Variants in DHRS7B observed in about 807,000 individuals in gnomAD.
DHRS7B encodes peroxisomal reductase activating PPAR-gamma.
Under a neutral mutation model 26.4 loss-of-function variants are expected in DHRS7B, and 24 were observed. The ratio of observed to expected loss-of-function variants is 0.91; its 90% CI spans 0.66 to 1.28. The LOEUF (loss-of-function observed/expected upper bound fraction) is 1.28. DHRS7B is among the 50% of genes most tolerant of loss of function. The pLI is 0.00. For synonymous variants in DHRS7B, 142 were observed against 166.4 expected (o/e 0.85, Z 1.13); for missense variants, 368 against 419.4 (o/e 0.88, Z 1.07).
chr17:21,188,667 A>G (rs752891452), intron 5 of DHRS7B, 44 bp from the exon 6 acceptor site: 112 of 1,529,754 alleles, frequency 7.3e-5, no homozygotes, highest in Non-Finnish European at 6.0e-5. Context: ...GGCCATGCCC[A>G]CCCCAGCGCA....
chr17:21,143,817 GT>G (rs1973582354), intron 1 of DHRS7B, among the ~76,000 whole-genome samples: 1 of 152,222 alleles, frequency 6.6e-6, no homozygotes, highest in Non-Finnish European at 1.5e-5. Flanking sequence ...TGAAATCCCA[GT>G]TACTGAAAAC....
intron 1 of DHRS7B, among the ~76,000 whole-genome samples, chr17:21,152,939 C>T (rs1193593266): frequency 6.8e-6 from 1 of 147,478 alleles, no homozygotes; most frequent in African/African-American, 2.4e-5. Context: ...CTTACCACTA[C>T]GTTACTAAAG....
chr17:21,158,052 G>C (rs1174229669), intron 1 of DHRS7B, among the ~76,000 whole-genome samples: 1 of 152,056 alleles, frequency 6.6e-6, no homozygotes, highest in Non-Finnish European at 1.5e-5. Context: ...ATCTATCTCT[G>C]ATTCATGATT....
In DHRS7B at chr17:21,191,329, G is replaced by A; in HGVS notation, c.*176G>A. On this transcript the variant is annotated 3_prime_UTR_variant, in exon 7 of 7. Coordinates refer to ENST00000395511, the MANE Select transcript of DHRS7B (RefSeq NM_015510.5). The stretch of plus-strand genomic sequence containing the variant: ...AGAGGACAATCAAAAACGACAACAA[G>A]CTTCTTCCCAGGGTGAGGGGAAACA... 1.5e-6 allele frequency: 1 copy of A among 650,196 alleles called. No individual in the cohort carries two copies. The highest frequency in any genetic ancestry group is 2.6e-6 in the Non-Finnish European group (1 of 382,214). 40.3% of individuals were successfully genotyped at this position (650,196 alleles called of 1,614,324 possible). A position where few individuals can be genotyped will look rare whatever the true frequency, so the allele number is the denominator to read the frequency against.
At chr17:21,133,421 C>CT (rs1973280751) in intron 1 of DHRS7B, among the ~76,000 whole-genome samples, 1 of 152,010 alleles carries the variant, frequency 6.6e-6, no homozygotes, top group Non-Finnish European at 1.5e-5. Context: ...GTGGGGCCCC[C>CT]CTTCAGGGGC....
intron 1 of DHRS7B, among the ~76,000 whole-genome samples, chr17:21,158,741 A>G (rs968302232): frequency 6.6e-6 from 1 of 152,202 alleles, no homozygotes; most frequent in Non-Finnish European, 1.5e-5. Context: ...AACCAACTCA[A>G]TATTGTGGGA....
Position 21,141,640 on chromosome 17 carries a change from A to AAAAAAAAAAAAAAAAAAAAAAG in DHRS7B, c.20+14649_20+14650insAAAAAAAAAAAAAAAAAAAAAG. On this transcript the variant is annotated intron_variant, in intron 1 of 6. Coordinates refer to ENST00000395511, the MANE Select transcript of DHRS7B (RefSeq NM_015510.5). Reference sequence around the variant, plus strand: ...AAAGCAAAAAAAAAAAAAAAAAAAAACAACCTCATCTCAAACTCCACAAAG... The same window carrying AAAAAAAAAAAAAAAAAAAAAAG: ...AAAGCAAAAAAAAAAAAAAAAAAAAAAAAAAAAAAAAAAAAAAAAAAGCAACCTCATCTCAAACTCCACAAAG... Among the ~76,000 whole-genome samples, 6 of 90,080 alleles carry AAAAAAAAAAAAAAAAAAAAAAG rather than the reference A, an allele frequency of 6.7e-5. 1 individual carries two copies. The highest frequency in any genetic ancestry group is 1.4e-4 in the Admixed American group (1 of 6,958). The allele number at this position is 90,080 out of a possible 152,430, so 59.1% of individuals were successfully genotyped here.
At chr17:21,128,860 G>T (rs572268025) in intron 1 of DHRS7B, 1 of 142,404 alleles carries the variant, frequency 7.0e-6, no homozygotes, top group African/African-American at 2.7e-5. Flanking sequence ...ACAAGAGCGA[G>T]GAGACTCCGT....
At position 21,129,333 on chromosome 17, in the gene DHRS7B, T is replaced by G. The variant is rs184587725; in HGVS notation, c.20+2342T>G. Among the ~76,000 whole-genome samples the G allele has an allele frequency of 4.4e-3, 672 of 151,994 alleles. 3 individuals are homozygous for G. Among genetic ancestry groups the G allele is most frequent in the African/African-American group, 0.015 (641 of 41,456 alleles). ...TTAAAGGACTGAGTTGGAGTTAAAT[T>G]GGACAAAGAGCTAACAGGAGGAGGG... On this transcript the variant is annotated intron_variant, in intron 1 of 6. Transcript: ENST00000395511.
chr17:21,133,316 C>T (rs1973278337), intron 1 of DHRS7B, among the ~76,000 whole-genome samples: 2 of 152,124 alleles, frequency 1.3e-5, no homozygotes, highest in Non-Finnish European at 2.9e-5. Context: ...GGTCAGGGCA[C>T]AACTTGATTT....
rs1346756214 is a variant in DHRS7B at position 21,138,076 on chromosome 17, AT to A, written c.20+11086del. ...GTGCCCGGCCTCTTTTAAAAAAAAA[AT>A]ATATATATATATATATATATATATA... On this transcript the variant is annotated intron_variant, in intron 1 of 6. Coordinates refer to ENST00000395511, the MANE Select transcript of DHRS7B (RefSeq NM_015510.5). Among the ~76,000 whole-genome samples the A allele has an allele frequency of 6.6e-3, 565 of 85,496 alleles. 5 individuals are homozygous for A. Among genetic ancestry groups the A allele is most frequent in the Middle Eastern group, 0.02 (3 of 150 alleles). 56.1% of individuals were successfully genotyped at this position (85,496 alleles called of 152,430 possible).
intron 1 of DHRS7B, among the ~76,000 whole-genome samples, chr17:21,134,190 C>G (rs1337858648): frequency 1.3e-5 from 2 of 152,226 alleles, no homozygotes; most frequent in Non-Finnish European, 2.9e-5. Flanking sequence ...ATTTTTCTCT[C>G]TCTGGTTTCC....
At chr17:21,176,403 C>A (rs938713409) in intron 2 of DHRS7B, among the ~76,000 whole-genome samples, 3 of 151,930 alleles carry the variant, frequency 2.0e-5, no homozygotes, top group Admixed American at 6.5e-5. Flanking sequence ...GAATTTGACA[C>A]CAGCCTGGGC....
chr17:21,127,349 G>C (rs974333754), intron 1 of DHRS7B: 13 of 260,414 alleles, frequency 5.0e-5, no homozygotes, highest in Non-Finnish European at 9.5e-5. Context: ...TCTGCGCGAC[G>C]TAGGGGAGGC....
rs111968978 is a variant in DHRS7B at position 21,151,079 on chromosome 17, T to C, written c.21-20939T>C. Among the ~76,000 whole-genome samples the C allele has an allele frequency of 6.4e-3, 978 of 152,082 alleles. 11 individuals carry two copies. The highest frequency in any genetic ancestry group is 0.023 in the African/African-American group (934 of 41,466). ...ACTGTTGAAAGCCAAAGGCATAAGC[T>C]CAAAAGCAGCAAAAGAAAAATTACG... is the stretch of plus-strand genomic sequence containing the variant. On this transcript the variant is annotated intron_variant, in intron 1 of 6. Coordinates refer to ENST00000395511, the MANE Select transcript of DHRS7B (RefSeq NM_015510.5).
At chr17:21,143,803 G>A (rs577163749) in intron 1 of DHRS7B, among the ~76,000 whole-genome samples, 1 of 152,234 alleles carries the variant, frequency 6.6e-6, no homozygotes, top group Admixed American at 6.5e-5. Flanking sequence ...AGCAATTGGG[G>A]TGCTGAAATC....
rs118184369 is a variant in DHRS7B at position 21,140,434 on chromosome 17, G to A, written c.20+13443G>A. ...TAGCAAAGTTTACATTATAAGGTGC[G>A]GAGAGAAAAAGTTTGGGTTATAGAA... On this transcript the variant is annotated intron_variant, in intron 1 of 6. Transcript: ENST00000395511. Among the ~76,000 whole-genome samples, 1,103 of 141,856 alleles carry A rather than the reference G, an allele frequency of 7.8e-3. 11 individuals are homozygous for A. Among genetic ancestry groups the A allele is most frequent in the Non-Finnish European group, 0.011 (749 of 66,282 alleles). 93.1% of individuals were successfully genotyped at this position (141,856 alleles called of 152,430 possible).
chr17:21,170,012 C>G (rs1974202621), intron 1 of DHRS7B, among the ~76,000 whole-genome samples: 1 of 152,188 alleles, frequency 6.6e-6, no homozygotes, highest in African/African-American at 2.4e-5. Flanking sequence ...AAATAGCCAT[C>G]CAGCCGGGTT....
At chr17:21,175,568 C>G (rs1407954452) in intron 2 of DHRS7B, among the ~76,000 whole-genome samples, 1 of 152,192 alleles carries the variant, frequency 6.6e-6, no homozygotes, top group African/African-American at 2.4e-5. Flanking sequence ...AGCCAGGGGC[C>G]AAGGTATCCT....
Sources: gnomAD v4.1 joint callset for allele counts (sites outside exome capture counted in the v4.1 genomes callset) on GRCh38, gnomAD v4.1.1 for gene constraint, MANE v1.5 for transcripts, NCBI Gene and HGNC (gene_info 2026-07-23, HGNC 2026-07-21) for gene names.